MYLK2: variants seen among roughly 807,000 people sequenced by gnomAD.
MYLK2 encodes the protein myosin light chain kinase 2, skeletal/cardiac muscle.
MYLK2 carries 27 observed loss-of-function variants against 58.2 expected under a neutral mutation model. That is an observed-to-expected ratio of 0.46 (90% CI 0.34 to 0.64). MYLK2 has a LOEUF of 0.64. Ranked by LOEUF, MYLK2 falls within the 30% of genes least tolerant of loss-of-function variation. The pLI, the probability that MYLK2 is intolerant of heterozygous loss-of-function variation, is 0.01. For missense variants in MYLK2, 676 were observed against 764.3 expected, an observed-to-expected ratio of 0.88 and a Z score of 1.36; for synonymous variants, 310 against 296.7, an observed-to-expected ratio of 1.04 and a Z score of -0.46.
chr20:31,833,669 C>G (rs747528076), intron 12 of MYLK2, 48 bp from the exon 13 acceptor site: 1 of 1,523,380 alleles, frequency 6.6e-7, no homozygotes. Context: ...CCTGCAGCTG[C>G]CCCCCTGCCC....
At chr20:31,831,942 A>T (rs1308703556) in intron 11 of MYLK2, 62 bp from the exon 12 acceptor site, 1 of 1,612,982 alleles carries the variant, frequency 6.2e-7, no homozygotes, top group East Asian at 2.2e-5. Context: ...TAGAGAGGCC[A>T]GCTGAGCCCC....
intron 8 of MYLK2, among the ~76,000 whole-genome samples, chr20:31,830,450 T>C (rs1179234284): frequency 1.3e-5 from 2 of 152,168 alleles, no homozygotes; most frequent in Non-Finnish European, 2.9e-5. Flanking sequence ...CTGGTGGTGG[T>C]CCTGCACTGG....
chr20:31,831,154 G>A lies in MYLK2; in HGVS notation c.1424+13G>A, dbSNP rs371900250. 2.6e-5 allele frequency: 42 copies of A among 1,613,952 alleles called. 1 individual carries two copies. The South Asian group carries it at 3.6e-4, about 14-fold the overall frequency. The stretch of plus-strand genomic sequence containing the variant: ...TCACCTACATGCTGTGAGCTCCCAG[G>A]CGGGTCGTGTTTATGGGGTTGGTGG... On this transcript the variant is annotated intron_variant, in intron 10 of 12. Transcript: ENST00000375985.
chr20:31,822,775 C>T (rs973724924), intron 4 of MYLK2, among the ~76,000 whole-genome samples: 6 of 152,176 alleles, frequency 3.9e-5, no homozygotes, highest in East Asian at 1.9e-4. Flanking sequence ...GCCCTGCCTC[C>T]GCCCCTAGCA....
Position 31,819,633 on chromosome 20 carries a change from G to C in MYLK2, c.52+1G>C. The C allele has an allele frequency of 1.3e-6, 2 of 1,551,552 alleles. No homozygotes were observed. Among genetic ancestry groups the C allele is most frequent in the Non-Finnish European group, 1.7e-6 (2 of 1,146,994 alleles). On this transcript the variant is annotated splice_donor_variant, in intron 2 of 12. Transcript: ENST00000375985. LOFTEE classifies it high-confidence loss of function. ...CTGGGAATTCAGAACCCATCAACAG[G>C]TGCCAAGCTGGGGCAGGAGATGGAG... is the stretch of plus-strand genomic sequence containing the variant.
intron 6 of MYLK2, among the ~76,000 whole-genome samples, chr20:31,825,559 TG>T (rs919669373): frequency 3.9e-5 from 6 of 151,906 alleles, no homozygotes; most frequent in Middle Eastern, 6.8e-3. Flanking sequence ...AAAGAAGGCC[TG>T]GCATCAGGTA....
In MYLK2 at chr20:31,828,019, C is replaced by G. The variant is rs553714105; in HGVS notation, c.1224+1081C>G. On this transcript the variant is annotated intron_variant, in intron 8 of 12. Transcript: ENST00000375985. ...TCTTTTGCCTCAGCCTCCCGAGTAG[C>G]TGGGATTACAGGCGTGTGCCACCAT... is the stretch of plus-strand genomic sequence containing the variant. 2.4e-5 allele frequency: 5 copies of G among 207,878 alleles called. No individual in the cohort carries two copies. In the East Asian group the frequency reaches 5.5e-4, roughly 23 times the overall value. The allele number at this position is 207,878 out of a possible 1,614,324, so 12.9% of individuals were successfully genotyped here. A position where few individuals can be genotyped will look rare whatever the true frequency, so the allele number is the denominator to read the frequency against.
intron 6 of MYLK2, among the ~76,000 whole-genome samples, chr20:31,826,114 G>A (rs552670150): frequency 5.9e-5 from 9 of 152,274 alleles, no homozygotes; most frequent in East Asian, 3.9e-4. Flanking sequence ...CAGGCAAGCC[G>A]AGAGCAACTC....
intron 5 of MYLK2, chr20:31,823,791 G>A (rs144614884): frequency 1.4e-4 from 57 of 405,200 alleles, no homozygotes; most frequent in African/African-American, 1.1e-3. Context: ...CAGACGCACC[G>A]TCAGCCATTC....
intron 8 of MYLK2, chr20:31,828,691 T>A: frequency 2.0e-6 from 2 of 985,412 alleles, no homozygotes; most frequent in Non-Finnish European, 2.4e-6. Flanking sequence ...GGAGATGCTG[T>A]TGCCGCCTCT....
chr20:31,834,585 C>T lies in MYLK2; in HGVS notation c.*788C>T, dbSNP rs548833130. The T allele has an allele frequency of 6.5e-6, 1 of 152,856 alleles. No homozygotes were observed. Among genetic ancestry groups the T allele is most frequent in the South Asian group, 2.1e-4 (1 of 4,834 alleles). The allele number at this position is 152,856 out of a possible 1,614,324, so 9.5% of individuals were successfully genotyped here. ...CCATCTTGGGGGTCACCCATGGCCTCAGATGATGGGGTCAGCAGGCCCAGG... is the reference window on the plus strand; with the variant it reads ...CCATCTTGGGGGTCACCCATGGCCTTAGATGATGGGGTCAGCAGGCCCAGG... On this transcript the variant is annotated 3_prime_UTR_variant, in exon 13 of 13. Coordinates refer to ENST00000375985, the MANE Select transcript of MYLK2 (RefSeq NM_033118.4).
rs2062320937 is a variant in MYLK2 at position 31,833,932 on chromosome 20, C to T, written c.*135C>T. The T allele has an allele frequency of 1.3e-6, 1 of 796,504 alleles. No individual in the cohort carries two copies. 49.3% of individuals were successfully genotyped at this position (796,504 alleles called of 1,614,324 possible). A position where few individuals can be genotyped will look rare whatever the true frequency, so the allele number is the denominator to read the frequency against. ...GACAAGGCTGTGCCAGGCTGGGAGGCTCGGGGCTCCCCACGCCCCCATGCA... is the reference window on the plus strand; with the variant it reads ...GACAAGGCTGTGCCAGGCTGGGAGGTTCGGGGCTCCCCACGCCCCCATGCA... On this transcript the variant is annotated 3_prime_UTR_variant, in exon 13 of 13. Transcript: ENST00000375985.
At position 31,832,072 on chromosome 20, in the gene MYLK2, G is replaced by A. The variant is rs551868924; in HGVS notation, c.1646G>A (p.Arg549His). The A allele has an allele frequency of 1.1e-5, 17 of 1,608,082 alleles. No homozygotes were observed. The highest frequency in any genetic ancestry group is 1.7e-4 in the Middle Eastern group (1 of 6,058). ...AACAACCTGGCGGAGAAAGCCAAAC[G>A]CTGTAACCGACGCCTTAAGTCCCAG... is the stretch of plus-strand genomic sequence containing the variant. ...WLNNLAEKAKRCNRRLKSQIL... is the reference protein window; with the variant it reads ...WLNNLAEKAKHCNRRLKSQIL... The change falls in exon 12 of 13, where the codon CGC becomes CAC. Residue 549 changes from arginine (R) to histidine (H), a missense_variant. Arg to His is a conservative substitution (Grantham distance 29, BLOSUM62 0). This residue lies in a region of MYLK2 where 370 missense variants were observed against 467.8 expected (regional missense o/e 0.79). Coordinates refer to ENST00000375985, the MANE Select transcript of MYLK2 (RefSeq NM_033118.4).
intron 8 of MYLK2, chr20:31,827,356 G>T (rs1234584006): frequency 1.0e-6 from 1 of 984,996 alleles, no homozygotes; most frequent in African/African-American, 1.7e-5. Context: ...ATTTCTTGAG[G>T]GCCTACTTTA....
Position 31,833,866 on chromosome 20 carries a change from G to C in MYLK2, c.*69G>C. ...GGGGCTGAAGCCACACAGCCCAGAAGGCCAGAAAAGGCAGCCAGATCCCCA... is the reference window on the plus strand; with the variant it reads ...GGGGCTGAAGCCACACAGCCCAGAACGCCAGAAAAGGCAGCCAGATCCCCA... On this transcript the variant is annotated 3_prime_UTR_variant, in exon 13 of 13. Coordinates refer to ENST00000375985, the MANE Select transcript of MYLK2 (RefSeq NM_033118.4). 7.0e-7 allele frequency: 1 copy of C among 1,437,192 alleles called. No individual in the cohort carries two copies. The highest frequency in any genetic ancestry group is 9.7e-7 in the Non-Finnish European group (1 of 1,032,912). The allele number at this position is 1,437,192 out of a possible 1,614,324, so 89.0% of individuals were successfully genotyped here.
At chr20:31,832,529 G>A (rs1342088466) in intron 12 of MYLK2, among the ~76,000 whole-genome samples, 1 of 152,098 alleles carries the variant, frequency 6.6e-6, no homozygotes, top group Non-Finnish European at 1.5e-5. Context: ...GTCTTGCTCT[G>A]TCACCCAGGC....
chr20:31,820,660 A>G, intron 3 of MYLK2, 114 bp downstream of exon 3: 2 of 1,317,852 alleles, frequency 1.5e-6, no homozygotes, highest in Middle Eastern at 1.8e-4. Flanking sequence ...TGGGGAGTGT[A>G]GTTCTGACAT....
rs1444810010 is a variant in MYLK2 at position 31,830,711 on chromosome 20, T to C, written c.1225-108T>C. On this transcript the variant is annotated intron_variant, in intron 8 of 12. Transcript: ENST00000375985. ...GAGGGTCTCTGGCAGCTGCCCACTCTGGCAGCTTGGGCCTCTGCCTCAAGG... is the reference window on the plus strand; with the variant it reads ...GAGGGTCTCTGGCAGCTGCCCACTCCGGCAGCTTGGGCCTCTGCCTCAAGG... 7.8e-6 allele frequency: 9 copies of C among 1,153,804 alleles called. No homozygotes were observed. In the Admixed American group the frequency reaches 1.5e-4, roughly 19 times the overall value. 71.5% of individuals were successfully genotyped at this position (1,153,804 alleles called of 1,614,324 possible).
intron 6 of MYLK2, among the ~76,000 whole-genome samples, chr20:31,825,121 G>T (rs2062272367): frequency 6.6e-6 from 1 of 152,230 alleles, no homozygotes; most frequent in African/African-American, 2.4e-5. Context: ...GGCATCCCAG[G>T]CAGAAGCCAC....
Sources: allele counts gnomAD v4.1 joint callset (sites outside exome capture counted in the v4.1 genomes callset), GRCh38; gene constraint gnomAD v4.1.1; regional missense constraint gnomAD v4.1.1; transcripts MANE v1.5; gene names NCBI Gene and HGNC (gene_info 2026-07-23, HGNC 2026-07-21).